The following RTN1 variants were observed in gnomAD, a reference collection of about 807,000 sequenced individuals.
RTN1 encodes the protein reticulon-1.
Under a neutral mutation model 65.5 loss-of-function variants are expected in RTN1, and 25 were observed. That is an observed-to-expected ratio of 0.38 (90% CI 0.28 to 0.53). The LOEUF (loss-of-function observed/expected upper bound fraction) is 0.53, where lower values mean the gene tolerates loss of function less well. RTN1 is among the 20% of genes least tolerant of loss of function. RTN1 has a pLI of 0.79. For synonymous variants in RTN1, 471 were observed against 447.6 expected, an observed-to-expected ratio of 1.05 and a Z score of -0.66; for missense variants, 983 against 1,025.4, an observed-to-expected ratio of 0.96 and a Z score of 0.57.
At chr14:59,723,442 TA>T (rs1190680372) in intron 3 of RTN1, among the ~76,000 whole-genome samples, 478 of 139,716 alleles carry the variant, frequency 3.4e-3, no homozygotes, top group Admixed American at 3.8e-3. Flanking sequence ...CCATCTCCAC[TA>T]AAAAAAAAAA....
intron 1 of RTN1, among the ~76,000 whole-genome samples, chr14:59,765,019 A>G (rs1885823712): frequency 6.6e-6 from 1 of 152,212 alleles, no homozygotes; most frequent in South Asian, 2.1e-4. Flanking sequence ...ATTGAAGTCC[A>G]GAGACGTAAA....
At chr14:59,723,330 A>G (rs1389503547) in intron 3 of RTN1, among the ~76,000 whole-genome samples, 1 of 151,468 alleles carries the variant, frequency 6.6e-6, no homozygotes, top group African/African-American at 2.4e-5. Flanking sequence ...ACCCTGGCCG[A>G]GTGCGGTGGC....
chr14:59,840,759 A>C (rs1398966258), intron 1 of RTN1, among the ~76,000 whole-genome samples: 1 of 152,212 alleles, frequency 6.6e-6, no homozygotes, highest in Non-Finnish European at 1.5e-5. Context: ...CTCATAATTA[A>C]AGAAATTTTT....
chr14:59,609,199 C>T (rs1020852170), intron 3 of RTN1, among the ~76,000 whole-genome samples: 3 of 151,900 alleles, frequency 2.0e-5, no homozygotes, highest in Admixed American at 6.6e-5. Context: ...GCAGAAGAAT[C>T]GCTTGAACCC....
At chr14:59,795,011 C>T (rs763943719) in intron 1 of RTN1, among the ~76,000 whole-genome samples, 2 of 152,172 alleles carry the variant, frequency 1.3e-5, no homozygotes, top group Non-Finnish European at 2.9e-5. Context: ...CTATGATCTA[C>T]CAAGTCATTT....
At chr14:59,860,155 A>G (rs143347147) in intron 1 of RTN1, among the ~76,000 whole-genome samples, 3 of 152,308 alleles carry the variant, frequency 2.0e-5, no homozygotes, top group Admixed American at 1.3e-4. Context: ...CTCCCATCAC[A>G]GGCCCCAAGG....
At position 59,726,938 on chromosome 14, in the gene RTN1, C is replaced by G. The variant is rs375547125; in HGVS notation, c.1746G>C (p.Leu582=). The G allele has an allele frequency of 1.8e-5, 29 of 1,612,564 alleles. No homozygotes were observed. Among genetic ancestry groups the G allele is most frequent in the Non-Finnish European group, 2.5e-5 (29 of 1,179,446 alleles). The change falls in exon 3 of 9, where the codon CTG becomes CTC. Residue 582 remains leucine, a synonymous_variant. Coordinates refer to ENST00000267484, the MANE Select transcript of RTN1 (RefSeq NM_021136.3). Reference sequence around the variant, plus strand: ...CTTTACCTTTTTGCTTATTGAGAAACAGCAGTGGGGGCGGGGCGCCAGGAC... The same window carrying G: ...CTTTACCTTTTTGCTTATTGAGAAAGAGCAGTGGGGGCGGGGCGCCAGGAC... ...PLGPGAPPPL[L]FLNKQKAIDL...
At chr14:59,824,967 G>C (rs1235636070) in intron 1 of RTN1, among the ~76,000 whole-genome samples, 2 of 152,192 alleles carry the variant, frequency 1.3e-5, no homozygotes, top group African/African-American at 4.8e-5. Flanking sequence ...GAGTAGAATG[G>C]TGGTTGTCAG....
chr14:59,713,588 A>G (rs1372907397), intron 3 of RTN1, among the ~76,000 whole-genome samples: 1 of 152,202 alleles, frequency 6.6e-6, no homozygotes, highest in Admixed American at 6.5e-5. Flanking sequence ...AGTCACAAGC[A>G]TGTCTTACCC....
chr14:59,620,353 A>G (rs1882222695), intron 3 of RTN1, among the ~76,000 whole-genome samples: 2 of 152,302 alleles, frequency 1.3e-5, no homozygotes, highest in East Asian at 3.9e-4. Context: ...AGGAAAAGTC[A>G]AGGCCTGCAT....
At chr14:59,817,432 T>G (rs763597808) in intron 1 of RTN1, among the ~76,000 whole-genome samples, 12 of 152,166 alleles carry the variant, frequency 7.9e-5, no homozygotes, top group Non-Finnish European at 1.6e-4. Flanking sequence ...TCTTCCAATA[T>G]CTGTCAAAAC....
chr14:59,749,961 T>C (rs1885405339), intron 1 of RTN1, among the ~76,000 whole-genome samples: 1 of 104,958 alleles, frequency 9.5e-6, no homozygotes, highest in Non-Finnish European at 1.8e-5. Context: ...ATGTTATATA[T>C]ATATTATATA....
At chr14:59,749,134 A>ATC (rs371376847) in intron 1 of RTN1, among the ~76,000 whole-genome samples, 4,692 of 64,684 alleles carry the variant, frequency 0.073, 588 homozygotes, top group Admixed American at 0.09. Context: ...AGATATATCT[A>ATC]TATCTATCTA....
At chr14:59,806,923 T>A (rs927549166) in intron 1 of RTN1, among the ~76,000 whole-genome samples, 3 of 152,224 alleles carry the variant, frequency 2.0e-5, no homozygotes, top group African/African-American at 4.8e-5. Flanking sequence ...TAAAACAACA[T>A]TTTTAAATGG....
At chr14:59,808,198 T>G (rs1046735909) in intron 1 of RTN1, among the ~76,000 whole-genome samples, 22 of 152,218 alleles carry the variant, frequency 1.4e-4, no homozygotes, top group Non-Finnish European at 2.9e-4. Context: ...TGTTACATCT[T>G]CAGTGTGGAA....
chr14:59,750,507 TATATATA>T (rs1305250218), intron 1 of RTN1, among the ~76,000 whole-genome samples: 2 of 5,602 alleles, frequency 3.6e-4, no homozygotes, highest in Non-Finnish European at 5.5e-4. Flanking sequence ...ATATCTATAA[TATATATA>T]ATATATCTAT....
rs1315095086 is a variant in RTN1, at chr14:59,825,139, G to C, written c.241+45251C>G. Among the ~76,000 whole-genome samples the C allele has an allele frequency of 6.6e-6, 1 of 152,234 alleles. No homozygotes were observed. The highest frequency in any genetic ancestry group is 6.5e-5 in the Admixed American group (1 of 15,288). Reference sequence around the variant, plus strand: ...AACTTGTTCTAGAGAGCTGTCCTGTGCATTGTAGAATCTTTACCAACATCC... The same window carrying C: ...AACTTGTTCTAGAGAGCTGTCCTGTCCATTGTAGAATCTTTACCAACATCC... On this transcript the variant is annotated intron_variant, in intron 1 of 8. Coordinates refer to ENST00000267484, the MANE Select transcript of RTN1 (RefSeq NM_021136.3). The surrounding 1 kb of genome is among the most constrained non-coding windows in gnomAD (Gnocchi z 4.2).
At chr14:59,694,690 T>A (rs1043423374) in intron 3 of RTN1, among the ~76,000 whole-genome samples, 17 of 152,178 alleles carry the variant, frequency 1.1e-4, no homozygotes, top group African/African-American at 3.9e-4. Context: ...CCATTCAAAA[T>A]TTGTTGCTAA....
intron 1 of RTN1, among the ~76,000 whole-genome samples, chr14:59,751,225 G>A (rs1294272613): frequency 9.1e-6 from 1 of 110,106 alleles, no homozygotes; most frequent in Non-Finnish European, 1.7e-5. Context: ...GCATATGGCA[G>A]CCCCTCTTTT....
Sources: allele counts gnomAD v4.1 joint callset (sites outside exome capture counted in the v4.1 genomes callset), GRCh38; gene constraint gnomAD v4.1.1; non-coding constraint Gnocchi (gnomAD v3.1); transcripts MANE v1.5; gene names NCBI Gene and HGNC (gene_info 2026-07-23, HGNC 2026-07-21).